The following FBLN2 variants were observed in gnomAD, a reference collection of about 807,000 sequenced individuals.
The protein encoded by FBLN2 is fibulin-2.
Under a neutral mutation model 123.7 loss-of-function variants are expected in FBLN2, and 81 were observed. The ratio of observed to expected loss-of-function variants is 0.65; its 90% confidence interval spans 0.55 to 0.79. The LOEUF is 0.79. Ranked by LOEUF, FBLN2 falls within the 30% of genes least tolerant of loss-of-function variation. FBLN2 has a pLI of 0.00. For missense variants in FBLN2, 1,603 were observed against 1,681.3 expected (o/e 0.95, Z 0.81); for synonymous variants, 699 against 701.4 (o/e 1.00, Z 0.05).
chr3:13,635,262 C>G (rs574464569), intron 16 of FBLN2, among the ~76,000 whole-genome samples: 1 of 152,110 alleles, frequency 6.6e-6, no homozygotes, highest in Non-Finnish European at 1.5e-5. Context: ...CCCTACCCCA[C>G]GGGACTTTCT....
At chr3:13,592,938 C>G (rs1362605451) in intron 2 of FBLN2, among the ~76,000 whole-genome samples, 6 of 152,178 alleles carry the variant, frequency 3.9e-5, no homozygotes, top group Non-Finnish European at 7.3e-5. Flanking sequence ...GATAGCTGGT[C>G]TGGGATGGCC....
intron 16 of FBLN2, 132 bp downstream of exon 16, chr3:13,631,589 A>C: frequency 8.2e-6 from 9 of 1,092,476 alleles, no homozygotes; most frequent in Non-Finnish European, 1.2e-5. Context: ...AGGATGGCCA[A>C]TGCTACCAGT....
At chr3:13,619,111 A>G (rs559205107) in intron 7 of FBLN2, 94 bp downstream of exon 7, 7 of 851,442 alleles carry the variant, frequency 8.2e-6, no homozygotes, top group Non-Finnish European at 1.3e-5. Flanking sequence ...GGTGCTGGGT[A>G]TGTGCAAGAT....
chr3:13,629,199 G>A lies in FBLN2; in HGVS notation c.2749G>A (p.Gly917Ser), dbSNP rs111284875. Residue 917 changes from glycine to serine, a missense_variant, in exon 13 of 18, where the codon GGT (glycine) becomes AGT (serine). Physicochemically the swap from Gly to Ser is moderately conservative, Grantham distance 56. Transcript: ENST00000404922. ...GTGTGAGACAGGTGTGCACCGCTGC[G>A]GTGAGGGCCAAGTGTGCCACAACCT... ...NECETGVHRC[G>S]EGQVCHNLPG... 65 of 1,613,168 alleles carry A rather than the reference G, an allele frequency of 4.0e-5. No individual in the cohort carries two copies. Among genetic ancestry groups the A allele is most frequent in the African/African-American group, 1.9e-4 (14 of 74,924 alleles).
intron 5 of FBLN2, among the ~76,000 whole-genome samples, chr3:13,614,710 C>G (rs1335436083): frequency 6.7e-6 from 1 of 150,128 alleles, no homozygotes; most frequent in African/African-American, 2.4e-5. Context: ...ACCCACCCAT[C>G]CATCTATCCA....
At chr3:13,635,648 G>A (rs1477760621) in intron 16 of FBLN2, among the ~76,000 whole-genome samples, 1 of 152,176 alleles carries the variant, frequency 6.6e-6, no homozygotes, top group Non-Finnish European at 1.5e-5. Context: ...GCTCATGGGG[G>A]ACATTGACTC....
chr3:13,623,717 A>C (rs575814576), intron 9 of FBLN2, among the ~76,000 whole-genome samples: 4 of 152,264 alleles, frequency 2.6e-5, no homozygotes, highest in Admixed American at 2.6e-4. Flanking sequence ...GGCTCTTTCA[A>C]TTTTTAATCA....
chr3:13,598,394 C>T (rs1311385265), intron 2 of FBLN2, among the ~76,000 whole-genome samples: 1 of 152,170 alleles, frequency 6.6e-6, no homozygotes, highest in African/African-American at 2.4e-5. Context: ...GAGTGGTAGC[C>T]CAACCACACA....
chr3:13,613,759 A>G, intron 4 of FBLN2: 2 of 483,048 alleles, frequency 4.1e-6, no homozygotes, highest in Admixed American at 3.6e-5. Context: ...AGTTCCTTCA[A>G]CTAAAGGCCA....
intron 1 of FBLN2, among the ~76,000 whole-genome samples, chr3:13,567,436 C>A (rs1011171702): frequency 1.3e-5 from 2 of 152,212 alleles, no homozygotes; most frequent in African/African-American, 4.8e-5. Context: ...CGGCTCACTC[C>A]AACCTCCGCC....
intron 2 of FBLN2, among the ~76,000 whole-genome samples, chr3:13,572,023 G>T (rs995565821): frequency 3.3e-4 from 51 of 152,248 alleles, no homozygotes; most frequent in African/African-American, 1.2e-3. Flanking sequence ...GGCAGGAAAT[G>T]CGAAGGGCGG....
chr3:13,587,127 A>T (rs1704532719), intron 2 of FBLN2, among the ~76,000 whole-genome samples: 2 of 149,352 alleles, frequency 1.3e-5, no homozygotes, highest in African/African-American at 4.9e-5. Context: ...CCGGGGTGAC[A>T]CAGCGAGACT....
chr3:13,557,333 A>G (rs1478023358), intron 1 of FBLN2, among the ~76,000 whole-genome samples: 2 of 152,288 alleles, frequency 1.3e-5, no homozygotes, highest in African/African-American at 4.8e-5. Context: ...TCAGCCATGA[A>G]TACAAGAAGG....
At chr3:13,636,762 G>A (rs1706487692) in intron 17 of FBLN2, among the ~76,000 whole-genome samples, 194 bp downstream of exon 17, 3 of 152,230 alleles carry the variant, frequency 2.0e-5, no homozygotes, top group South Asian at 2.1e-4. Context: ...GAGAAGGAAG[G>A]GGAAAAGACA....
At chr3:13,603,810 A>G (rs1705117632) in intron 2 of FBLN2, among the ~76,000 whole-genome samples, 1 of 152,242 alleles carries the variant, frequency 6.6e-6, no homozygotes, top group African/African-American at 2.4e-5. Flanking sequence ...AGCAATCGCC[A>G]TACTGTCTTC....
chr3:13,579,344 G>A (rs1379692769), intron 2 of FBLN2, among the ~76,000 whole-genome samples: 3 of 152,200 alleles, frequency 2.0e-5, no homozygotes, highest in African/African-American at 4.8e-5. Context: ...CTCCAGAGAA[G>A]TCCACTATAC....
chr3:13,552,979 G>A (rs544524023), intron 1 of FBLN2, among the ~76,000 whole-genome samples: 1 of 152,252 alleles, frequency 6.6e-6, no homozygotes, highest in African/African-American at 2.4e-5. Context: ...GGCCATCCTG[G>A]AGGAGAACGC....
Position 13,629,207 on chromosome 3 carries a change from C to T in FBLN2, c.2757C>T (p.Gly919=). 6.2e-7 allele frequency: 1 copy of T among 1,613,354 alleles called. No homozygotes were observed. The highest frequency in any genetic ancestry group is 8.5e-7 in the Non-Finnish European group (1 of 1,179,758). Reference sequence around the variant, plus strand: ...CAGGTGTGCACCGCTGCGGTGAGGGCCAAGTGTGCCACAACCTCCCTGGCT... The same window carrying T: ...CAGGTGTGCACCGCTGCGGTGAGGGTCAAGTGTGCCACAACCTCCCTGGCT... ...CETGVHRCGE[G]QVCHNLPGSY... Residue 919 remains glycine (G), a synonymous_variant, in exon 13 of 18, where the codon GGC becomes GGT. Coordinates refer to ENST00000404922, the MANE Select transcript of FBLN2 (RefSeq NM_001004019.2).
chr3:13,580,847 C>A (rs111740852), intron 2 of FBLN2, among the ~76,000 whole-genome samples: 5 of 152,350 alleles, frequency 3.3e-5, no homozygotes, highest in African/African-American at 1.2e-4. Context: ...TATTATTGCT[C>A]CCAAGTCCAC....
Sources: allele counts gnomAD v4.1 joint callset (sites outside exome capture counted in the v4.1 genomes callset), GRCh38; gene constraint gnomAD v4.1.1; transcripts MANE v1.5; gene names NCBI Gene and HGNC (gene_info 2026-07-23, HGNC 2026-07-21).